The following FAM20A variants were observed in gnomAD, a reference collection of about 807,000 sequenced individuals.
FAM20A encodes the protein FAM20A golgi associated secretory pathway pseudokinase.
A neutral mutation model predicts 52.0 loss-of-function variants in FAM20A; 42 were observed. The ratio of observed to expected loss-of-function variants is 0.81; its 90% CI spans 0.63 to 1.04. The LOEUF (loss-of-function observed/expected upper bound fraction) is 1.04, where lower values mean the gene tolerates loss of function less well. FAM20A is among the 50% of genes least tolerant of loss of function. The pLI, the probability that FAM20A is intolerant of heterozygous loss-of-function variation, is 0.00. For synonymous variants in FAM20A, 304 were observed against 298.9 expected (o/e 1.02, Z -0.18); for missense variants, 742 against 712.7 (o/e 1.04, Z -0.47).
In FAM20A at chr17:68,540,905, T is replaced by C. The variant is rs776028847; in HGVS notation, c.1163A>G (p.Asn388Ser). 3.7e-6 allele frequency: 6 copies of C among 1,604,822 alleles called. No individual in the cohort carries two copies. In the Admixed American group the frequency reaches 8.4e-5, roughly 23 times the overall value. The change falls in exon 8 of 11, where the codon AAC becomes AGC. Residue 388 changes from asparagine (N) to serine (S), a missense_variant. Asn to Ser is a conservative substitution (Grantham distance 46). Transcript: ENST00000592554. ...GACATTGAGGAGCCGCTGGCTGTTGTTGTACGGGTAGATCTGTTTCACTGT... is the reference window on the plus strand; with the variant it reads ...GACATTGAGGAGCCGCTGGCTGTTGCTGTACGGGTAGATCTGTTTCACTGT... ...CDTVKQIYPYNNSQRLLNVID... is the reference protein window; with the variant it reads ...CDTVKQIYPYSNSQRLLNVID...
chr17:68,551,437 A>G (rs1371517627), intron 4 of FAM20A: 5 of 254,164 alleles, frequency 2.0e-5, no homozygotes, highest in East Asian at 1.3e-4. Context: ...GGAAAAAAGT[A>G]TGGATCAATT....
In FAM20A at chr17:68,542,796, G is replaced by A. The variant is rs387907215; in HGVS notation, c.826C>T (p.Arg276Ter). 29 of 1,613,614 alleles carry A rather than the reference G, an allele frequency of 1.8e-5. No homozygotes were observed. Among genetic ancestry groups the A allele is most frequent in the East Asian group, 2.2e-5 (1 of 44,894 alleles). ...CTCCCCACTGTTGGCGGCACCCGTC[G>A]GAAGTCCAGAATCCTGCAAGAGAGG... ...AFHLDRILDF[R>*]RVPPTVGRIV... Residue 276 changes from arginine (R) to a stop codon, truncating the protein, a stop_gained, in exon 6 of 11, where the codon CGA (arginine) becomes TGA (stop). Coordinates refer to ENST00000592554, the MANE Select transcript of FAM20A (RefSeq NM_017565.4). LOFTEE classifies it high-confidence loss of function.
chr17:68,595,102 A>G (rs941548517), intron 1 of FAM20A, among the ~76,000 whole-genome samples: 1 of 152,274 alleles, frequency 6.6e-6, no homozygotes, highest in Non-Finnish European at 1.5e-5. Flanking sequence ...TGCCTGGCAC[A>G]TAACAAGCAT....
intron 1 of FAM20A, among the ~76,000 whole-genome samples, chr17:68,566,801 G>A (rs2087388992): frequency 1.3e-5 from 2 of 152,206 alleles, no homozygotes; most frequent in Admixed American, 1.3e-4. Flanking sequence ...TTTAAATGCT[G>A]ACTCTCCAGG....
At chr17:68,559,350 G>GTAT (rs2087145925) in intron 1 of FAM20A, among the ~76,000 whole-genome samples, 1 of 152,174 alleles carries the variant, frequency 6.6e-6, no homozygotes, top group Non-Finnish European at 1.5e-5. Flanking sequence ...CCATGCCATA[G>GTAT]TATTGCCTTC....
rs745871674 is a variant in FAM20A, at chr17:68,540,963, G to T, written c.1110-5C>A. 4 of 1,578,342 alleles carry T rather than the reference G, an allele frequency of 2.5e-6. No homozygotes were observed. Among genetic ancestry groups the T allele is most frequent in the Non-Finnish European group, 3.4e-6 (4 of 1,160,372 alleles). On this transcript the variant is annotated splice_region_variant and splice_polypyrimidine_tract_variant and intron_variant, in intron 7 of 10. Coordinates refer to ENST00000592554, the MANE Select transcript of FAM20A (RefSeq NM_017565.4). The stretch of plus-strand genomic sequence containing the variant: ...TAAAGGGGATTGACCTCCCACCTGA[G>T]GGGGAGAAGAAGTCCTGGGGCTGGA...
intron 1 of FAM20A, among the ~76,000 whole-genome samples, chr17:68,561,505 T>A (rs191895761): frequency 5.5e-4 from 84 of 152,320 alleles, no homozygotes; most frequent in Middle Eastern, 3.4e-3. Flanking sequence ...ATGCTCTGTC[T>A]GGCCATATTC....
Position 68,542,085 on chromosome 17 carries a change from C to T in FAM20A, c.1009G>A (p.Glu337Lys). Residue 337 changes from glutamate to lysine, a missense_variant, in exon 7 of 11, where the codon GAG becomes AAG. By Grantham distance (56) the Glu-to-Lys change is moderately conservative. Coordinates refer to ENST00000592554, the MANE Select transcript of FAM20A (RefSeq NM_017565.4). ...YAVCGNPHLL[E>K]GSLSAFLPSL... ...GGCAGGAAGGCAGAGAGGGAACCCT[C>T]CAGCAGGTGTGGGTTGCCACAGACA... The T allele has an allele frequency of 1.2e-6, 2 of 1,613,932 alleles. No homozygotes were observed. Among genetic ancestry groups the T allele is most frequent in the Non-Finnish European group, 1.7e-6 (2 of 1,179,868 alleles).
In FAM20A at chr17:68,535,369, T is replaced by C. The variant is rs1172540336; in HGVS notation, c.*2108A>G. 2.2e-6 allele frequency: 1 copy of C among 454,014 alleles called. No homozygotes were observed. The highest frequency in any genetic ancestry group is 4.4e-6 in the Non-Finnish European group (1 of 226,798). 28.1% of individuals were successfully genotyped at this position (454,014 alleles called of 1,614,324 possible). ...TGCAGCAAAATGTGTATATAGGCCA[T>C]TGGAAAACCAGTCCTTCGTTATAGG... On this transcript the variant is annotated 3_prime_UTR_variant, in exon 11 of 11. Coordinates refer to ENST00000592554, the MANE Select transcript of FAM20A (RefSeq NM_017565.4).
In FAM20A at chr17:68,537,085, G is replaced by T. The variant is rs563178726; in HGVS notation, c.*392C>A. On this transcript the variant is annotated 3_prime_UTR_variant, in exon 11 of 11. Transcript: ENST00000592554. This position sits in a 1 kb window ranked among gnomAD's most constrained non-coding sequence, Gnocchi z 4.2. Reference sequence around the variant, plus strand: ...TTTGTCTGGACCAGGAGTTATCTTTGACTTGTAGCTAGAATAAGGATCCTG... The same window carrying T: ...TTTGTCTGGACCAGGAGTTATCTTTTACTTGTAGCTAGAATAAGGATCCTG... 3.2e-5 allele frequency: 15 copies of T among 462,250 alleles called. No individual in the cohort carries two copies. Among genetic ancestry groups the T allele is most frequent in the African/African-American group, 2.6e-4 (13 of 50,532 alleles). The allele number at this position is 462,250 out of a possible 1,614,324, so 28.6% of individuals were successfully genotyped here. A position where few individuals can be genotyped will look rare whatever the true frequency, so the allele number is the denominator to read the frequency against.
intron 1 of FAM20A, among the ~76,000 whole-genome samples, chr17:68,565,159 A>G (rs1000725594): frequency 3.9e-5 from 6 of 152,082 alleles, no homozygotes; most frequent in African/African-American, 1.4e-4. Context: ...TAATTTTGAT[A>G]CCTGACCATG....
chr17:68,537,886 G>T lies in FAM20A; in HGVS notation c.1362-145C>A. ...CTCAGGCACATTTTAATGGAAACCA[G>T]GTAAAAAGGGAACAAATGAAAGGCA... On this transcript the variant is annotated intron_variant, in intron 10 of 10. Transcript: ENST00000592554. The surrounding 1 kb of genome is among the most constrained non-coding windows in gnomAD (Gnocchi z 4.2). 2.1e-6 allele frequency: 2 copies of T among 963,310 alleles called. No individual in the cohort carries two copies. The highest frequency in any genetic ancestry group is 2.1e-5 in the Admixed American group (1 of 47,814). 59.7% of individuals were successfully genotyped at this position (963,310 alleles called of 1,614,324 possible).
In FAM20A at chr17:68,539,910, G is replaced by A. The variant is rs765210918; in HGVS notation, c.1276C>T (p.Leu426Phe). Residue 426 changes from leucine to phenylalanine, a missense_variant, in exon 9 of 11, where the codon CTT becomes TTT. By Grantham distance (22) the Leu-to-Phe change is conservative. Coordinates refer to ENST00000592554, the MANE Select transcript of FAM20A (RefSeq NM_017565.4). ...MFTKFGDDGF[L>F]IHLDNARGFG... ...CCTCTGGCGTTGTCAAGGTGAATAAGGAACCCATCATCCCCGAACTTGGTG... is the reference window on the plus strand; with the variant it reads ...CCTCTGGCGTTGTCAAGGTGAATAAAGAACCCATCATCCCCGAACTTGGTG... The A allele has an allele frequency of 1.9e-6, 3 of 1,614,168 alleles. No individual in the cohort carries two copies. The highest frequency in any genetic ancestry group is 2.5e-6 in the Non-Finnish European group (3 of 1,180,040).
chr17:68,566,173 T>G (rs1401296822), intron 1 of FAM20A, among the ~76,000 whole-genome samples: 1 of 152,186 alleles, frequency 6.6e-6, no homozygotes, highest in Non-Finnish European at 1.5e-5. Context: ...TCTTTCTCAC[T>G]CCCCCAAATT....
chr17:68,546,168 C>CAAAAA (rs750780505), intron 4 of FAM20A, among the ~76,000 whole-genome samples: 1 of 98,918 alleles, frequency 1.0e-5, no homozygotes, highest in Non-Finnish European at 1.9e-5. Context: ...GACTCCATCT[C>CAAAAA]AAAAAAAAAA....
chr17:68,575,049 T>C (rs2087687647), intron 1 of FAM20A: 1 of 152,002 alleles, frequency 6.6e-6, no homozygotes, highest in South Asian at 2.1e-4. Flanking sequence ...CTATTATGTA[T>C]CAATATTTTT....
At chr17:68,545,903 C>T (rs1452802237) in intron 4 of FAM20A, among the ~76,000 whole-genome samples, 1 of 152,208 alleles carries the variant, frequency 6.6e-6, no homozygotes, top group African/African-American at 2.4e-5. Context: ...GGTGCGGTGG[C>T]TCATGCCTGT....
chr17:68,585,447 A>G (rs1568779197), intron 1 of FAM20A, among the ~76,000 whole-genome samples: 1 of 56,134 alleles, frequency 1.8e-5, no homozygotes, highest in African/African-American at 1.0e-4. Context: ...CCATGGCTTT[A>G]TTTATTTTTT....
At chr17:68,599,926 TGGGAGCGGACGA>T (rs1164327079) in intron 1 of FAM20A, among the ~76,000 whole-genome samples, 2 of 152,132 alleles carry the variant, frequency 1.3e-5, no homozygotes, top group Non-Finnish European at 2.9e-5. Context: ...GAGTGGGGTT[TGGGAGCGGACGA>T]GGGAGCGGGA....
Sources: gnomAD v4.1 joint callset for allele counts (sites outside exome capture counted in the v4.1 genomes callset) on GRCh38, gnomAD v4.1.1 for gene constraint, Gnocchi (gnomAD v3.1) non-coding constraint, MANE v1.5 for transcripts, NCBI Gene and HGNC (gene_info 2026-07-23, HGNC 2026-07-21) for gene names.